Variants in ANKS6 observed in about 807,000 individuals in gnomAD.
ANKS6 encodes ankyrin repeat and sterile alpha motif domain containing 6.
In ANKS6, 47 loss-of-function variants were observed where a neutral mutation model predicts 77.9. The ratio of observed to expected loss-of-function variants is 0.60; its 90% CI spans 0.48 to 0.77. The LOEUF is 0.77. Ranked by LOEUF, ANKS6 falls within the 30% of genes least tolerant of loss-of-function variation. ANKS6 has a pLI of 0.00. For synonymous variants in ANKS6, 488 were observed against 501.7 expected (o/e 0.97, Z 0.37); for missense variants, 1,150 against 1,159.1 (o/e 0.99, Z 0.11).
chr9:98,736,442 G>A lies in ANKS6; in HGVS notation c.*77C>T. 6.7e-7 allele frequency: 1 copy of A among 1,494,934 alleles called. No homozygotes were observed. The highest frequency in any genetic ancestry group is 8.9e-7 in the Non-Finnish European group (1 of 1,121,388). The allele number at this position is 1,494,934 out of a possible 1,614,324, so 92.6% of individuals were successfully genotyped here. On this transcript the variant is annotated 3_prime_UTR_variant, in exon 15 of 15. Coordinates refer to ENST00000353234, the MANE Select transcript of ANKS6 (RefSeq NM_173551.5). ...GACTAAGGCACAGCAGTGTGACGGG[G>A]GCAGGGCTGGGGCTGTGGCCACGTG...
chr9:98,746,561 G>A (rs1337967993), intron 13 of ANKS6, among the ~76,000 whole-genome samples: 1 of 151,706 alleles, frequency 6.6e-6, no homozygotes, highest in Non-Finnish European at 1.5e-5. Flanking sequence ...TTTGGAGACA[G>A]GGAAACTGAG....
At position 98,750,572 on chromosome 9, in the gene ANKS6, T is replaced by G. The variant is rs1317924651; in HGVS notation, c.2394+457A>C. ...TGCTGGGTCACACGGTAACTCTATA[T>G]TTAATATTTTGAGGAAGTGCCAAAC... On this transcript the variant is annotated intron_variant, in intron 13 of 14. Transcript: ENST00000353234. Among the ~76,000 whole-genome samples, 3 of 152,196 alleles carry G rather than the reference T, an allele frequency of 2.0e-5. No individual in the cohort carries two copies. The East Asian group carries it at 5.8e-4, about 29-fold the overall frequency.
intron 13 of ANKS6, among the ~76,000 whole-genome samples, chr9:98,748,200 A>G (rs1248389604): frequency 1.3e-5 from 2 of 152,188 alleles, no homozygotes; most frequent in Non-Finnish European, 2.9e-5. Context: ...GACAGCATCA[A>G]TCAATCAATC....
At chr9:98,779,884 A>G (rs917389521) in intron 6 of ANKS6, among the ~76,000 whole-genome samples, 4 of 152,010 alleles carry the variant, frequency 2.6e-5, no homozygotes, top group African/African-American at 9.7e-5. Context: ...GGATGGTCTC[A>G]ATCTCCTGAC....
intron 11 of ANKS6, among the ~76,000 whole-genome samples, chr9:98,762,966 T>C (rs961761436): frequency 6.6e-6 from 1 of 152,070 alleles, no homozygotes; most frequent in African/African-American, 2.4e-5. Flanking sequence ...ATCCTAAATG[T>C]GTACACAGCT....
At chr9:98,790,727 CTGGCGCCAGGCACTG>C in intron 1 of ANKS6, 121 bp from the exon 2 acceptor site, 7 of 1,353,204 alleles carry the variant, frequency 5.2e-6, no homozygotes, top group Non-Finnish European at 7.0e-6. Flanking sequence ...AGGTCTTATT[CTGGCGCCAGGCACTG>C]TGCCAGCCAC....
At chr9:98,790,653 G>A in intron 1 of ANKS6, 47 bp from the exon 2 acceptor site, 1 of 1,566,696 alleles carries the variant, frequency 6.4e-7, no homozygotes, top group African/African-American at 1.3e-5. Context: ...ACAGCACTCG[G>A]GGGCCAGCTT....
intron 7 of ANKS6, 89 bp downstream of exon 7, chr9:98,778,135 CCT>C (rs1834015252): frequency 2.8e-6 from 4 of 1,445,690 alleles, no homozygotes; most frequent in African/African-American, 2.8e-5. Context: ...TCATCTTACC[CCT>C]GACAGCAACC....
chr9:98,737,881 A>G (rs2131918559), intron 14 of ANKS6, among the ~76,000 whole-genome samples: 1 of 152,352 alleles, frequency 6.6e-6, no homozygotes, highest in East Asian at 1.9e-4. Context: ...GGTATAAAAA[A>G]TAGGCACATA....
At chr9:98,743,646 G>A (rs1831960777) in intron 14 of ANKS6, among the ~76,000 whole-genome samples, 1 of 152,160 alleles carries the variant, frequency 6.6e-6, no homozygotes, top group Admixed American at 6.5e-5. Flanking sequence ...GCTACACTGA[G>A]GCAGTTGGAG....
intron 12 of ANKS6, among the ~76,000 whole-genome samples, chr9:98,755,126 AAGG>A (rs1162157038): frequency 2.6e-5 from 4 of 152,196 alleles, no homozygotes; most frequent in Non-Finnish European, 5.9e-5. Context: ...GCCCCCAAAT[AAGG>A]AGGACACCAG....
At chr9:98,789,999 G>C in intron 2 of ANKS6, 105 bp downstream of exon 2, 1 of 1,447,112 alleles carries the variant, frequency 6.9e-7, no homozygotes, top group Non-Finnish European at 9.2e-7. Context: ...CTGCAGGGCT[G>C]GACTCTGAGT....
chr9:98,783,338 G>C (rs952889901), intron 4 of ANKS6, among the ~76,000 whole-genome samples: 9 of 152,294 alleles, frequency 5.9e-5, no homozygotes, highest in Non-Finnish European at 5.9e-5. Context: ...ACACAGGAAA[G>C]TGATCTGATC....
chr9:98,740,366 A>T (rs969814877), intron 14 of ANKS6, among the ~76,000 whole-genome samples: 6 of 152,218 alleles, frequency 3.9e-5, no homozygotes, highest in Admixed American at 3.9e-4. Flanking sequence ...GGTATGACAG[A>T]GCATTGGATG....
intron 12 of ANKS6, among the ~76,000 whole-genome samples, chr9:98,752,649 G>C (rs1832494860): frequency 6.6e-6 from 1 of 152,170 alleles, no homozygotes; most frequent in Non-Finnish European, 1.5e-5. Flanking sequence ...TCCTATTACT[G>C]TCCCCATTTA....
chr9:98,756,115 G>C (rs1216769852), intron 12 of ANKS6, among the ~76,000 whole-genome samples: 1 of 152,164 alleles, frequency 6.6e-6, no homozygotes, highest in African/African-American at 2.4e-5. Context: ...AAAGAATCCT[G>C]ACAGGTACAG....
chr9:98,784,504 T>C, intron 3 of ANKS6: 1 of 409,842 alleles, frequency 2.4e-6, no homozygotes. Context: ...GCAGGGTCTA[T>C]ATCAAGAGAG....
chr9:98,770,325 C>T (rs1021088903), intron 10 of ANKS6, among the ~76,000 whole-genome samples: 3 of 152,152 alleles, frequency 2.0e-5, no homozygotes, highest in African/African-American at 7.2e-5. Context: ...TTAGAAGTTA[C>T]CCAGTCTCGG....
At chr9:98,737,050 C>A (rs1488681595) in intron 14 of ANKS6, among the ~76,000 whole-genome samples, 1 of 152,202 alleles carries the variant, frequency 6.6e-6, no homozygotes, top group Non-Finnish European at 1.5e-5. Flanking sequence ...GCCTTTGCTT[C>A]CCTTTGCCCA....
Sources: gnomAD v4.1 joint callset for allele counts (sites outside exome capture counted in the v4.1 genomes callset) on GRCh38, gnomAD v4.1.1 for gene constraint, MANE v1.5 for transcripts, NCBI Gene and HGNC (gene_info 2026-07-23, HGNC 2026-07-21) for gene names.